PIK3CD: variants seen among roughly 807,000 people sequenced by gnomAD.
PIK3CD encodes the protein phosphatidylinositol 4,5-bisphosphate 3-kinase catalytic subunit delta isoform.
PIK3CD carries 20 observed loss-of-function variants against 122.9 expected under a neutral mutation model. That is an observed-to-expected ratio of 0.16 (90% CI 0.11 to 0.24). The LOEUF is 0.24. PIK3CD is among the 10% of genes least tolerant of loss of function. PIK3CD has a pLI of 1.00. For synonymous variants in PIK3CD, 596 were observed against 593.4 expected, an observed-to-expected ratio of 1.00 and a Z score of -0.06; for missense variants, 787 against 1,406.3, an observed-to-expected ratio of 0.56 and a Z score of 7.04.
At chr1:9,678,569 ACT>A (rs1326758647) in intron 1 of PIK3CD, among the ~76,000 whole-genome samples, 1 of 151,798 alleles carries the variant, frequency 6.6e-6, no homozygotes, top group East Asian at 1.9e-4. Flanking sequence ...AAAAGCATGG[ACT>A]CTCTCCAGAA....
chr1:9,635,557 G>T, the PIK3CD span, among the ~76,000 whole-genome samples: 1 of 152,118 alleles, frequency 6.6e-6, no homozygotes, highest in Non-Finnish European at 1.5e-5. Flanking sequence ...TCACTGATTG[G>T]CTCGCCTTGG....
rs1202363632 is a variant in PIK3CD at position 9,704,899 on chromosome 1, T to C, written c.-32-5525T>C. Among the ~76,000 whole-genome samples the C allele has an allele frequency of 1.3e-5, 2 of 152,278 alleles. No individual in the cohort carries two copies. Among genetic ancestry groups the C allele is most frequent in the Middle Eastern group, 3.4e-3 (1 of 294 alleles). Reference sequence around the variant, plus strand: ...CCCAAAGTAGGATGTGGTTTTGCAATTGGAGGAAGTGGCGACCAGCAGTGG... The same window carrying C: ...CCCAAAGTAGGATGTGGTTTTGCAACTGGAGGAAGTGGCGACCAGCAGTGG... On this transcript the variant is annotated intron_variant, in intron 2 of 23. Coordinates refer to ENST00000377346, the MANE Select transcript of PIK3CD (RefSeq NM_005026.5). The surrounding 1 kb of genome is among the most constrained non-coding windows in gnomAD (Gnocchi z 5.0).
intron 1 of PIK3CD, among the ~76,000 whole-genome samples, chr1:9,681,354 C>T (rs1441508433): frequency 6.6e-6 from 1 of 152,208 alleles, no homozygotes. Context: ...CCTCCAGCCT[C>T]ACCCTCTCAA....
At chr1:9,630,462 ACTCACTGGTGATGCC>A in the PIK3CD span, among the ~76,000 whole-genome samples, 1 of 152,016 alleles carries the variant, frequency 6.6e-6, no homozygotes, top group Admixed American at 6.6e-5. Flanking sequence ...ATTTCTACAG[ACTCACTGGTGATGCC>A]CTCTGGGTGC....
At chr1:9,711,793 G>T (rs1193336863) in intron 3 of PIK3CD, among the ~76,000 whole-genome samples, 1 of 152,114 alleles carries the variant, frequency 6.6e-6, no homozygotes, top group African/African-American at 2.4e-5. Flanking sequence ...TGTTGCCCAG[G>T]CTAGAATGTG....
At chr1:9,632,555 T>C in the PIK3CD span, among the ~76,000 whole-genome samples, 4 of 152,174 alleles carry the variant, frequency 2.6e-5, no homozygotes, top group African/African-American at 9.7e-5. Context: ...GAGGAACAGA[T>C]CAATTTAACC....
At chr1:9,725,048 T>G in intron 23 of PIK3CD, 112 bp downstream of exon 23, 1 of 1,334,920 alleles carries the variant, frequency 7.5e-7, no homozygotes, top group Non-Finnish European at 1.0e-6. Flanking sequence ...CACTGAGCTG[T>G]GTGTGCCTCA....
intron 1 of PIK3CD, chr1:9,654,696 A>G: frequency 2.9e-6 from 1 of 348,362 alleles, no homozygotes; most frequent in Non-Finnish European, 5.6e-6. Context: ...CCCTGAGGCC[A>G]GCTGCCGGTG....
chr1:9,671,866 GC>G (rs1645339107), intron 1 of PIK3CD, among the ~76,000 whole-genome samples: 1 of 152,176 alleles, frequency 6.6e-6, no homozygotes, highest in Admixed American at 6.6e-5. Context: ...GGCAAGAGCC[GC>G]CCCTGGCCCC....
In PIK3CD at chr1:9,717,190, G is replaced by T. The variant is rs1317632793; in HGVS notation, c.930+82G>T. On this transcript the variant is annotated intron_variant, in intron 7 of 23. Transcript: ENST00000377346. The surrounding 1 kb of genome is among the most constrained non-coding windows in gnomAD (Gnocchi z 5.4). ...CAACTCCATGTGCTACTGGCCATGG[G>T]TCCAGGGGCCCTTGGTATGGAGAGC... is the stretch of plus-strand genomic sequence containing the variant. 5.9e-6 allele frequency: 9 copies of T among 1,523,322 alleles called. No individual in the cohort carries two copies. The highest frequency in any genetic ancestry group is 7.3e-6 in the Non-Finnish European group (8 of 1,099,864). The allele number at this position is 1,523,322 out of a possible 1,614,324, so 94.4% of individuals were successfully genotyped here.
chr1:9,653,626 C>T (rs999477521), intron 1 of PIK3CD: 2 of 432,154 alleles, frequency 4.6e-6, no homozygotes, highest in East Asian at 5.7e-5. Context: ...CACACCCCCT[C>T]CCCAATTTGA....
At chr1:9,629,978 C>T in the PIK3CD span, among the ~76,000 whole-genome samples, 6 of 152,362 alleles carry the variant, frequency 3.9e-5, no homozygotes, top group South Asian at 8.3e-4. Flanking sequence ...GGGTCAGAGG[C>T]GCCCAGGACA....
chr1:9,665,250 A>C (rs975572041), intron 1 of PIK3CD, among the ~76,000 whole-genome samples: 2 of 150,624 alleles, frequency 1.3e-5, no homozygotes, highest in Admixed American at 6.7e-5. Context: ...CATGTTCTTC[A>C]GTCATATCCA....
intron 1 of PIK3CD, among the ~76,000 whole-genome samples, chr1:9,665,376 G>A (rs1442028003): frequency 6.6e-6 from 1 of 151,626 alleles, no homozygotes; most frequent in African/African-American, 2.4e-5. Context: ...TTGGGTGCCA[G>A]TTCACCCTCC....
At chr1:9,697,458 C>T (rs1483672605) in intron 2 of PIK3CD, among the ~76,000 whole-genome samples, 2 of 151,322 alleles carry the variant, frequency 1.3e-5, no homozygotes, top group Non-Finnish European at 2.9e-5. Flanking sequence ...CTTTGGGAGG[C>T]CAACATGGAA....
chr1:9,673,357 T>A (rs1041388685), intron 1 of PIK3CD, among the ~76,000 whole-genome samples: 2 of 152,122 alleles, frequency 1.3e-5, no homozygotes, highest in African/African-American at 4.8e-5. Context: ...CCTCTCTGGT[T>A]CAAGCAAACC....
At chr1:9,696,196 T>C (rs887115106) in intron 2 of PIK3CD, among the ~76,000 whole-genome samples, 2 of 151,932 alleles carry the variant, frequency 1.3e-5, no homozygotes, top group Admixed American at 1.3e-4. Flanking sequence ...GGTCTCAAAT[T>C]TCTGGGCTCA....
chr1:9,721,757 C>T lies in PIK3CD; in HGVS notation c.1956-4C>T. 8 of 1,613,044 alleles carry T rather than the reference C, an allele frequency of 5.0e-6. No homozygotes were observed. Among genetic ancestry groups the T allele is most frequent in the Non-Finnish European group, 5.9e-6 (7 of 1,179,898 alleles). ...TGAGGCTCAGCCCTCCCTTCACCTTCCAGCTCCGAGATGCACGTGCCGTCG... is the reference window on the plus strand; with the variant it reads ...TGAGGCTCAGCCCTCCCTTCACCTTTCAGCTCCGAGATGCACGTGCCGTCG... On this transcript the variant is annotated splice_region_variant and splice_polypyrimidine_tract_variant and intron_variant, in intron 15 of 23. Transcript: ENST00000377346.
At chr1:9,680,908 G>T (rs59104482) in intron 1 of PIK3CD, 2 of 152,172 alleles carry the variant, frequency 1.3e-5, no homozygotes, top group African/African-American at 4.8e-5. Context: ...GAGCCGCTTC[G>T]TTGGGTGGTT....
Sources: gnomAD v4.1 joint callset for allele counts (sites outside exome capture counted in the v4.1 genomes callset) on GRCh38, gnomAD v4.1.1 for gene constraint, Gnocchi (gnomAD v3.1) non-coding constraint, MANE v1.5 for transcripts, NCBI Gene and HGNC (gene_info 2026-07-23, HGNC 2026-07-21) for gene names.